LDLRAD3: variants seen among roughly 807,000 people sequenced by gnomAD.
LDLRAD3 encodes low density lipoprotein receptor class A domain containing 3.
Under a neutral mutation model 29.4 loss-of-function variants are expected in LDLRAD3, and 20 were observed. The ratio of observed to expected loss-of-function variants is 0.68; its 90% CI spans 0.48 to 0.99. The LOEUF (loss-of-function observed/expected upper bound fraction) is 0.99, where lower values mean the gene tolerates loss of function less well. LDLRAD3 is among the 50% of genes least tolerant of loss of function. LDLRAD3 has a pLI of 0.00. For synonymous variants in LDLRAD3, 157 were observed against 192.7 expected (o/e 0.81, Z 1.53); for missense variants, 420 against 454.3 (o/e 0.92, Z 0.69).
intron 2 of LDLRAD3, among the ~76,000 whole-genome samples, chr11:36,080,406 A>T (rs1853095948): frequency 6.6e-6 from 1 of 152,194 alleles, no homozygotes; most frequent in Non-Finnish European, 1.5e-5. Context: ...AGAAGAATTT[A>T]TTTGGAGCAG....
intron 4 of LDLRAD3, among the ~76,000 whole-genome samples, chr11:36,120,898 G>A (rs985824657): frequency 1.3e-5 from 2 of 152,192 alleles, no homozygotes; most frequent in African/African-American, 4.8e-5. Flanking sequence ...TTTCCATTGT[G>A]CAAGGACACA....
intron 1 of LDLRAD3, among the ~76,000 whole-genome samples, chr11:35,990,661 CT>C (rs1321090922): frequency 5.3e-5 from 8 of 151,968 alleles, no homozygotes; most frequent in African/African-American, 1.9e-4. Flanking sequence ...AATGATCTGC[CT>C]GCCTCGGCCT....
At position 36,115,032 on chromosome 11, in the gene LDLRAD3, G is replaced by T. The variant is rs140062522; in HGVS notation, c.454+16571G>T. Among the ~76,000 whole-genome samples the T allele has an allele frequency of 4.9e-3, 740 of 152,274 alleles. 5 individuals carry two copies. The highest frequency in any genetic ancestry group is 0.017 in the African/African-American group (701 of 41,542). Reference sequence around the variant, plus strand: ...TAAAAGGCGACATGGCCTCTTCCGTGTCCAGAATACCCCTCTTGAGAGCTT... The same window carrying T: ...TAAAAGGCGACATGGCCTCTTCCGTTTCCAGAATACCCCTCTTGAGAGCTT... On this transcript the variant is annotated intron_variant, in intron 4 of 5. Transcript: ENST00000315571.
At chr11:36,061,911 G>A (rs1258500329) in intron 2 of LDLRAD3, among the ~76,000 whole-genome samples, 2 of 151,768 alleles carry the variant, frequency 1.3e-5, no homozygotes, top group Non-Finnish European at 2.9e-5. Flanking sequence ...ATTGTTACTG[G>A]ATAAAATAGC....
chr11:36,217,551 T>C (rs1037916010), intron 4 of LDLRAD3, among the ~76,000 whole-genome samples: 5 of 152,232 alleles, frequency 3.3e-5, no homozygotes, highest in Admixed American at 2.0e-4. Context: ...TTTCCTCACC[T>C]GTGAAACGGT....
intron 4 of LDLRAD3, among the ~76,000 whole-genome samples, chr11:36,214,746 A>C (rs902537722): frequency 3.9e-5 from 6 of 152,108 alleles, no homozygotes; most frequent in African/African-American, 1.2e-4. Flanking sequence ...CACTTCTCTC[A>C]GTCTTCTTTT....
chr11:36,088,092 C>T (rs761057457), intron 3 of LDLRAD3, among the ~76,000 whole-genome samples: 1 of 151,996 alleles, frequency 6.6e-6, no homozygotes, highest in Non-Finnish European at 1.5e-5. Flanking sequence ...TGAGCTCAAG[C>T]CAACTGCTTG....
chr11:36,036,632 G>A (rs181271394), intron 2 of LDLRAD3, among the ~76,000 whole-genome samples: 49 of 152,308 alleles, frequency 3.2e-4, no homozygotes, highest in Admixed American at 2.9e-3. Flanking sequence ...AGGGCTGCCT[G>A]ACACCAGAGT....
At chr11:36,160,134 G>C (rs2133337050) in intron 4 of LDLRAD3, among the ~76,000 whole-genome samples, 1 of 152,326 alleles carries the variant, frequency 6.6e-6, no homozygotes, top group African/African-American at 2.4e-5. Context: ...TCTTGCCTGA[G>C]ATGCAAAGAA....
At chr11:36,111,086 C>CT (rs942584808) in intron 4 of LDLRAD3, among the ~76,000 whole-genome samples, 4 of 151,988 alleles carry the variant, frequency 2.6e-5, no homozygotes, top group African/African-American at 9.7e-5. Flanking sequence ...CTGCTGGGGG[C>CT]CCCCTCCCTG....
chr11:36,057,608 A>G (rs1852640332), intron 2 of LDLRAD3, among the ~76,000 whole-genome samples: 1 of 152,206 alleles, frequency 6.6e-6, no homozygotes, highest in African/African-American at 2.4e-5. Flanking sequence ...TGGACACTGC[A>G]GACTGCCTCT....
chr11:35,956,350 A>G (rs1851200889), intron 1 of LDLRAD3, among the ~76,000 whole-genome samples: 1 of 152,242 alleles, frequency 6.6e-6, no homozygotes, highest in Non-Finnish European at 1.5e-5. Flanking sequence ...AATTATTAGA[A>G]AACATTTTCC....
intron 4 of LDLRAD3, among the ~76,000 whole-genome samples, chr11:36,112,870 C>T (rs950399201): frequency 2.6e-5 from 4 of 152,194 alleles, no homozygotes; most frequent in Admixed American, 6.5e-5. Context: ...CCAGGAAGCC[C>T]AGTATCTCTG....
At chr11:36,069,216 T>C (rs1055584497) in intron 2 of LDLRAD3, among the ~76,000 whole-genome samples, 7 of 152,240 alleles carry the variant, frequency 4.6e-5, no homozygotes, top group African/African-American at 1.7e-4. Flanking sequence ...GGGCTGTTTG[T>C]CATCTGCCTT....
At chr11:35,969,369 A>C (rs1726755677) in intron 1 of LDLRAD3, among the ~76,000 whole-genome samples, 1 of 152,202 alleles carries the variant, frequency 6.6e-6, no homozygotes, top group Non-Finnish European at 1.5e-5. Flanking sequence ...AGGTTCTCCC[A>C]AGCCACTTAA....
At chr11:36,085,507 A>G (rs1406063517) in intron 3 of LDLRAD3, among the ~76,000 whole-genome samples, 2 of 152,090 alleles carry the variant, frequency 1.3e-5, no homozygotes, top group African/African-American at 2.4e-5. Flanking sequence ...AGATATTTTA[A>G]AAGTATTATA....
At chr11:35,955,812 A>C (rs1050445316) in intron 1 of LDLRAD3, among the ~76,000 whole-genome samples, 6 of 152,244 alleles carry the variant, frequency 3.9e-5, no homozygotes, top group African/African-American at 2.4e-5. Context: ...TGTTTTAAGT[A>C]AAGTCTGTGG....
chr11:36,095,781 C>G (rs548971587), intron 3 of LDLRAD3, among the ~76,000 whole-genome samples: 2 of 152,284 alleles, frequency 1.3e-5, no homozygotes, highest in South Asian at 4.2e-4. Flanking sequence ...CTTATGAACG[C>G]CCCGTCTTGG....
intron 4 of LDLRAD3, among the ~76,000 whole-genome samples, chr11:36,131,928 G>A (rs767966963): frequency 1.1e-4 from 17 of 152,168 alleles, no homozygotes; most frequent in Admixed American, 2.6e-4. Context: ...GCCATCTAGC[G>A]TCTGTGGGAC....
Sources: allele counts gnomAD v4.1 joint callset (sites outside exome capture counted in the v4.1 genomes callset), GRCh38; gene constraint gnomAD v4.1.1; transcripts MANE v1.5; gene names NCBI Gene and HGNC (gene_info 2026-07-23, HGNC 2026-07-21).